LHFPL3: variants seen among roughly 807,000 people sequenced by gnomAD.
The protein encoded by LHFPL3 is LHFPL tetraspan subfamily member 3, also known as LHFPL tetraspan subfamily member 3 protein.
In LHFPL3, 5 loss-of-function variants were observed where a neutral mutation model predicts 19.3. The observed-to-expected ratio is 0.26, with a 90% CI of 0.14 to 0.54. LHFPL3 has a LOEUF of 0.54. LHFPL3 is among the 20% of genes least tolerant of loss of function. The pLI is 0.94. For missense variants in LHFPL3, 249 were observed against 307.4 expected, an observed-to-expected ratio of 0.81 and a Z score of 1.42; for synonymous variants, 133 against 126.2, an observed-to-expected ratio of 1.05 and a Z score of -0.36.
At chr7:104,701,662 T>A (rs1216104382) in intron 1 of LHFPL3, among the ~76,000 whole-genome samples, 1 of 152,166 alleles carries the variant, frequency 6.6e-6, no homozygotes, top group Non-Finnish European at 1.5e-5. Context: ...TAAGCGGACC[T>A]GCAGAGTTCA....
intron 2 of LHFPL3, among the ~76,000 whole-genome samples, chr7:104,740,710 C>T (rs922446826): frequency 3.9e-5 from 6 of 152,132 alleles, no homozygotes; most frequent in South Asian, 2.1e-4. Flanking sequence ...CTCATTATCA[C>T]GAGAACAGTA....
intron 1 of LHFPL3, among the ~76,000 whole-genome samples, chr7:104,616,300 A>G (rs146799457): frequency 0.14 from 20,598 of 152,158 alleles, 1,455 homozygotes; most frequent in Non-Finnish European, 0.15. Context: ...ACATAGACCA[A>G]TGGAACAGAG....
chr7:104,906,308 CG>C lies in LHFPL3; in HGVS notation c.*94del. 1 of 1,383,942 alleles carries C rather than the reference CG, an allele frequency of 7.2e-7. No homozygotes were observed. The highest frequency in any genetic ancestry group is 1.0e-6 in the Non-Finnish European group (1 of 994,072). 85.7% of individuals were successfully genotyped at this position (1,383,942 alleles called of 1,614,324 possible). On this transcript the variant is annotated 3_prime_UTR_variant, in exon 3 of 3. Transcript: ENST00000424859. ...TGTACATCAACATCAAGAAGGAATA[CG>C]CCTGAGAGAGATCAGAGTATATAGA...
At chr7:104,631,135 C>A (rs1189203125) in intron 1 of LHFPL3, among the ~76,000 whole-genome samples, 1 of 152,062 alleles carries the variant, frequency 6.6e-6, no homozygotes, top group Non-Finnish European at 1.5e-5. Context: ...TGACATCATC[C>A]TAGCTAACAA....
intron 1 of LHFPL3, among the ~76,000 whole-genome samples, chr7:104,706,539 C>A (rs1004096064): frequency 1.4e-4 from 22 of 152,212 alleles, no homozygotes; most frequent in African/African-American, 5.1e-4. Context: ...TAGGCTGAGG[C>A]AGAGCCAAAA....
At position 104,510,692 on chromosome 7, in the gene LHFPL3, T is replaced by A. The variant is rs140154916; in HGVS notation, c.445+181468T>A. On this transcript the variant is annotated intron_variant, in intron 1 of 2. Transcript: ENST00000424859. ...AAATGAAACACTGACAAGTTGAATT[T>A]CATCAAAATTTAAAACTCTTGCTCT... Among the ~76,000 whole-genome samples, 215 of 152,298 alleles carry A rather than the reference T, an allele frequency of 1.4e-3. 3 individuals are homozygous for A. Among genetic ancestry groups the A allele is most frequent in the African/African-American group, 4.3e-3 (179 of 41,558 alleles).
intron 2 of LHFPL3, among the ~76,000 whole-genome samples, chr7:104,856,815 G>C (rs1791514171): frequency 1.3e-5 from 2 of 152,088 alleles, no homozygotes; most frequent in South Asian, 4.2e-4. Context: ...TTATAGTAAG[G>C]TGTATTATGA....
At chr7:104,686,464 G>T (rs1383549422) in intron 1 of LHFPL3, among the ~76,000 whole-genome samples, 1 of 152,220 alleles carries the variant, frequency 6.6e-6, no homozygotes, top group African/African-American at 2.4e-5. Context: ...GACAAAACCA[G>T]TGTTTTTTGT....
chr7:104,535,824 G>A (rs562204451), intron 1 of LHFPL3, among the ~76,000 whole-genome samples: 2 of 152,246 alleles, frequency 1.3e-5, no homozygotes, highest in Non-Finnish European at 2.9e-5. Flanking sequence ...TGTAGAAAGA[G>A]TAAGCTTGTG....
At chr7:104,680,989 T>C (rs944455510) in intron 1 of LHFPL3, among the ~76,000 whole-genome samples, 2 of 152,186 alleles carry the variant, frequency 1.3e-5, no homozygotes, top group Non-Finnish European at 2.9e-5. Flanking sequence ...TATAAAATAT[T>C]CCTATTTCAT....
intron 1 of LHFPL3, among the ~76,000 whole-genome samples, chr7:104,465,294 G>A (rs34059855): frequency 0.18 from 27,738 of 152,054 alleles, 2,566 homozygotes; most frequent in African/African-American, 0.22. Flanking sequence ...AAGTCACTAG[G>A]AAGTTCCAAA....
At chr7:104,887,700 G>A (rs1007501472) in intron 2 of LHFPL3, among the ~76,000 whole-genome samples, 10 of 152,214 alleles carry the variant, frequency 6.6e-5, no homozygotes, top group African/African-American at 2.4e-4. Context: ...GCAGAGAAAC[G>A]ACAGCCTCTA....
intron 1 of LHFPL3, among the ~76,000 whole-genome samples, chr7:104,486,434 C>G (rs1463000487): frequency 6.6e-6 from 1 of 152,058 alleles, no homozygotes; most frequent in Non-Finnish European, 1.5e-5. Flanking sequence ...GCTGGGAAAC[C>G]CAGGATCAGA....
chr7:104,646,757 C>T (rs1389460499), intron 1 of LHFPL3, among the ~76,000 whole-genome samples: 1 of 152,150 alleles, frequency 6.6e-6, no homozygotes, highest in African/African-American at 2.4e-5. Flanking sequence ...GAATGATATA[C>T]TTAGAATACA....
intron 1 of LHFPL3, among the ~76,000 whole-genome samples, chr7:104,693,006 G>A (rs745512314): frequency 6.6e-6 from 1 of 152,190 alleles, no homozygotes. Flanking sequence ...GCAAAGCCAC[G>A]AGGTTGGAGC....
intron 1 of LHFPL3, among the ~76,000 whole-genome samples, chr7:104,438,286 A>G (rs1049236396): frequency 1.0e-4 from 15 of 145,012 alleles, no homozygotes; most frequent in Admixed American, 4.0e-4. Flanking sequence ...AATGAATTTC[A>G]CATGTGGTGT....
intron 1 of LHFPL3, among the ~76,000 whole-genome samples, chr7:104,566,633 G>A (rs7789230): frequency 0.03 from 4,508 of 152,188 alleles, 229 homozygotes; most frequent in African/African-American, 0.1. Flanking sequence ...TTTCCCACTA[G>A]TCAGTTGACA....
Position 104,749,536 on chromosome 7 carries a change from A to G in LHFPL3, c.682+12625A>G, listed in dbSNP as rs1387835633. On this transcript the variant is annotated intron_variant, in intron 2 of 2. Transcript: ENST00000424859. ...CCGCCAGAGGGATGGTAAAAAAGCA[A>G]TCCTTTAGATCAATTATAATTAAAG... Among the ~76,000 whole-genome samples the G allele has an allele frequency of 5.3e-5, 8 of 152,268 alleles. No individual in the cohort carries two copies. In the South Asian group the frequency reaches 6.2e-4, roughly 12 times the overall value.
At chr7:104,899,018 G>A (rs1276700832) in intron 2 of LHFPL3, among the ~76,000 whole-genome samples, 1 of 151,970 alleles carries the variant, frequency 6.6e-6, no homozygotes, top group Admixed American at 6.6e-5. Context: ...TGGGAAGATC[G>A]CTTGAGCCCA....
Sources: gnomAD v4.1 joint callset for allele counts (sites outside exome capture counted in the v4.1 genomes callset) on GRCh38, gnomAD v4.1.1 for gene constraint, MANE v1.5 for transcripts, NCBI Gene and HGNC (gene_info 2026-07-23, HGNC 2026-07-21) for gene names.